TAB3: variants seen among roughly 807,000 people sequenced by gnomAD.
TAB3 encodes the protein TGF-beta-activated kinase 1 and MAP3K7-binding protein 3.
A neutral mutation model predicts 48.1 loss-of-function variants in TAB3; 18 were observed. That is an observed-to-expected ratio of 0.37 (90% CI 0.26 to 0.55). The LOEUF is 0.55. TAB3 is among the 20% of genes least tolerant of loss of function. TAB3 has a pLI of 0.78. For synonymous variants in TAB3, 185 were observed against 190.2 expected (o/e 0.97, Z 0.22); for missense variants, 414 against 549.8 (o/e 0.75, Z 2.47).
chrX:30,868,834 C>T (rs781033450), intron 2 of TAB3, among the ~76,000 whole-genome samples: 63 of 106,496 alleles, frequency 5.9e-4, no homozygotes, highest in Non-Finnish European at 1.3e-4. Context: ...CTTCATTTTA[C>T]AACCACAGTA....
Position 30,855,441 on chromosome X carries a change from T to C in TAB3, c.224A>G (p.Asn75Ser), listed in dbSNP as rs992975765. 8.3e-7 allele frequency: 1 copy of C among 1,209,820 alleles called. No individual in the cohort carries two copies. The highest frequency in any genetic ancestry group is 1.7e-5 in the African/African-American group (1 of 57,157). The change falls in exon 6 of 11, where the codon AAC becomes AGC. Residue 75 changes from asparagine to serine, a missense_variant. Physicochemically the swap from Asn to Ser is conservative, Grantham distance 46. Transcript: ENST00000288422. ...GCTACTAGGAGAATGGATACCCAGG[T>C]TAATATGTAAAAGGCGATTTCTATT... Reference protein sequence around the residue: ...RMNRNRLLHINLGIHSPSSYH... With the variant: ...RMNRNRLLHISLGIHSPSSYH...
intron 8 of TAB3, chrX:30,843,314 T>C: frequency 5.5e-6 from 1 of 181,718 alleles, no homozygotes; most frequent in Non-Finnish European, 1.0e-5. Context: ...GCTAGTCTCC[T>C]TAGGCAGGAT....
intron 4 of TAB3, among the ~76,000 whole-genome samples, chrX:30,863,966 T>C (rs1257594584): frequency 8.9e-6 from 1 of 112,487 alleles, no homozygotes; most frequent in Non-Finnish European, 1.9e-5. Context: ...TGTCCAAATA[T>C]ATCAATGTAG....
intron 9 of TAB3, chrX:30,835,670 A>G (rs1045094029): frequency 8.9e-6 from 1 of 112,128 alleles, no homozygotes; most frequent in Non-Finnish European, 1.9e-5. Context: ...TGAGTTACTA[A>G]TAAGGGTTGG....
In TAB3 at chrX:30,827,461, A is replaced by G. The variant is rs1298212084; in HGVS notation, c.*3966T>C. ...AGAATGTAGTGTTTGCTTTTAGTTT[A>G]TTTATTTTGCAGGAATCTTTGACTT... On this transcript the variant is annotated 3_prime_UTR_variant, in exon 11 of 11. Coordinates refer to ENST00000288422, the MANE Select transcript of TAB3 (RefSeq NM_152787.5). 8.9e-6 allele frequency: 1 copy of G among 112,526 alleles called. No individual in the cohort carries two copies. The highest frequency in any genetic ancestry group is 1.9e-5 in the Non-Finnish European group (1 of 53,226). 9.3% of individuals were successfully genotyped at this position (112,526 alleles called of 1,213,427 possible). A position where few individuals can be genotyped will look rare whatever the true frequency, so the allele number is the denominator to read the frequency against.
intron 4 of TAB3, among the ~76,000 whole-genome samples, chrX:30,865,432 T>G (rs753985760): frequency 3.6e-5 from 4 of 112,431 alleles, no homozygotes; most frequent in Non-Finnish European, 5.6e-5. Context: ...CAAAACACAG[T>G]ATGTATATGA....
intron 9 of TAB3, among the ~76,000 whole-genome samples, chrX:30,840,587 T>C (rs1197836979): frequency 9.0e-6 from 1 of 111,134 alleles, no homozygotes; most frequent in Non-Finnish European, 1.9e-5. Context: ...AATTGAATCA[T>C]GGGGGCAGGT....
intron 1 of TAB3, among the ~76,000 whole-genome samples, chrX:30,874,232 T>G (rs1326248280): frequency 8.9e-6 from 1 of 112,061 alleles, no homozygotes; most frequent in Non-Finnish European, 1.9e-5. Flanking sequence ...CTGCAGGCAG[T>G]CAGCACTCCT....
At chrX:30,840,916 T>C (rs1442629069) in intron 9 of TAB3, among the ~76,000 whole-genome samples, 1 of 112,120 alleles carries the variant, frequency 8.9e-6, no homozygotes, top group Non-Finnish European at 1.9e-5. Flanking sequence ...TTTGAATCAA[T>C]GAACTAAAGT....
rs1275448255 is a variant in TAB3, at chrX:30,854,794, C to G, written c.871G>C (p.Ala291Pro). ...SPKQQQIPQS[A>P]YHSPPPSQCP... ...TGAGAAGGAGGTGGTGAATGGTAAG[C>G]AGACTGAGGGATCTGCTGCTGTTTG... Residue 291 changes from alanine (A) to proline (P), a missense_variant, in exon 6 of 11, where the codon GCT (alanine) becomes CCT (proline). Ala to Pro is a conservative substitution (Grantham distance 27). Transcript: ENST00000288422. The G allele has an allele frequency of 8.3e-7, 1 of 1,208,964 alleles. No individual in the cohort carries two copies. The highest frequency in any genetic ancestry group is 1.8e-5 in the African/African-American group (1 of 56,922).
rs1214788698 is a variant in TAB3, at chrX:30,829,454, A to G, written c.*1973T>C. ...TCACTAAAGAGATATGAAACCATAC[A>G]AAGGCAAAGGCATATTACAGAACAG... On this transcript the variant is annotated 3_prime_UTR_variant, in exon 11 of 11. Transcript: ENST00000288422. 1 of 112,158 alleles carries G rather than the reference A, an allele frequency of 8.9e-6. No homozygotes were observed. Among genetic ancestry groups the G allele is most frequent in the Admixed American group, 9.5e-5 (1 of 10,472 alleles). The allele number at this position is 112,158 out of a possible 1,213,427, so 9.2% of individuals were successfully genotyped here.
intron 7 of TAB3, among the ~76,000 whole-genome samples, chrX:30,847,413 AAG>A (rs1234335505): frequency 9.2e-6 from 1 of 108,929 alleles, no homozygotes; most frequent in Non-Finnish European, 1.9e-5. Flanking sequence ...CTGAAATGTG[AAG>A]AGAGTCCTAA....
chrX:30,851,714 C>T (rs1938858651), intron 7 of TAB3, among the ~76,000 whole-genome samples: 1 of 111,907 alleles, frequency 8.9e-6, no homozygotes, highest in South Asian at 3.7e-4. Context: ...CATATGCCCA[C>T]TTCTCTAAAC....
At position 30,828,698 on chromosome X, in the gene TAB3, G is replaced by A. The variant is rs899630349; in HGVS notation, c.*2729C>T. On this transcript the variant is annotated 3_prime_UTR_variant, in exon 11 of 11. Transcript: ENST00000288422. Reference sequence around the variant, plus strand: ...GTATAGTCAGGCCTATATGTTACCAGATACATCAAACTAGTCATTTTAAAG... The same window carrying A: ...GTATAGTCAGGCCTATATGTTACCAAATACATCAAACTAGTCATTTTAAAG... 8.9e-6 allele frequency: 1 copy of A among 111,990 alleles called. No individual in the cohort carries two copies. Among genetic ancestry groups the A allele is most frequent in the African/African-American group, 3.2e-5 (1 of 30,776 alleles). 9.2% of individuals were successfully genotyped at this position (111,990 alleles called of 1,213,427 possible).
chrX:30,832,049 CAT>C (rs1569200198), intron 10 of TAB3, among the ~76,000 whole-genome samples: 2 of 112,022 alleles, frequency 1.8e-5, no homozygotes, highest in East Asian at 2.8e-4. Flanking sequence ...CTACAATATG[CAT>C]ATGTTTTATA....
At position 30,833,427 on chromosome X, in the gene TAB3, ACAC is replaced by A. The variant is rs531173930; in HGVS notation, c.1990+621_1990+623del. 6.6e-4 allele frequency among the ~76,000 whole-genome samples: 74 copies of A among 112,241 alleles called. No homozygotes were observed. The South Asian group carries it at 0.026, about 40-fold the overall frequency. ...CAATGTTGCTATAAGTGTAAAATAT[ACAC>A]CACATTTCAAAGACTTAGTATAAAA... On this transcript the variant is annotated intron_variant, in intron 10 of 10. Transcript: ENST00000288422.
rs375563798 is a variant in TAB3, at chrX:30,854,162, A to G, written c.1503T>C (p.Tyr501=). Residue 501 remains tyrosine (Y), a synonymous_variant, in exon 6 of 11, where the codon TAT becomes TAC. Coordinates refer to ENST00000288422, the MANE Select transcript of TAB3 (RefSeq NM_152787.5). The part of the protein sequence containing the change: ...GSGGEKGSHK[Y]QRSSSSGSDD... ...CTGATCCAGAACTAGAACTTCTCTG[A>G]TATTTATGGCTTCCCTTTTCTCCCC... 9.2e-5 allele frequency: 111 copies of G among 1,206,863 alleles called. No homozygotes were observed. The highest frequency in any genetic ancestry group is 1.2e-4 in the Non-Finnish European group (107 of 894,200).
intron 5 of TAB3, 55 bp from the exon 6 acceptor site, chrX:30,855,617 T>C: frequency 9.2e-7 from 1 of 1,082,795 alleles, no homozygotes; most frequent in East Asian, 3.0e-5. Flanking sequence ...ATTCTAATAG[T>C]GGAAGTCAGG....
chrX:30,846,184 T>C, intron 8 of TAB3: 1 of 573,740 alleles, frequency 1.7e-6, no homozygotes, highest in South Asian at 4.3e-5. Context: ...AATCTGATAC[T>C]CTGATTTGGG....
Sources: allele counts gnomAD v4.1 joint callset (sites outside exome capture counted in the v4.1 genomes callset), GRCh38; gene constraint gnomAD v4.1.1; transcripts MANE v1.5; gene names NCBI Gene and HGNC (gene_info 2026-07-23, HGNC 2026-07-21).